AUTS2: variants seen among roughly 807,000 people sequenced by gnomAD.
The protein encoded by AUTS2 is activator of transcription and developmental regulator AUTS2.
AUTS2 carries 17 observed loss-of-function variants against 112.4 expected under a neutral mutation model. That is an observed-to-expected ratio of 0.15 (90% confidence interval 0.10 to 0.23). The LOEUF (loss-of-function observed/expected upper bound fraction) is 0.23, where lower values mean the gene tolerates loss of function less well. AUTS2 is among the 10% of genes least tolerant of loss of function. The probability of loss-of-function intolerance (pLI) is 1.00; values close to 1 mark genes in which losing one functional copy is unlikely to be tolerated. For synonymous variants in AUTS2, 751 were observed against 702.7 expected (o/e 1.07, Z -1.09); for missense variants, 1,510 against 1,701.6 (o/e 0.89, Z 1.98).
At chr7:69,605,268 G>A (rs765983063) in intron 1 of AUTS2, among the ~76,000 whole-genome samples, 10 of 152,210 alleles carry the variant, frequency 6.6e-5, no homozygotes, top group Admixed American at 2.0e-4. Flanking sequence ...CTTGTAGTCG[G>A]TGCGTGGGAG....
chr7:70,738,083 T>A (rs1787873426), intron 6 of AUTS2, among the ~76,000 whole-genome samples: 1 of 152,194 alleles, frequency 6.6e-6, no homozygotes. Flanking sequence ...TGGCCGGGTT[T>A]TCCTGCGTCT....
intron 5 of AUTS2, among the ~76,000 whole-genome samples, chr7:70,496,237 T>TCA (rs1213694004): frequency 0.046 from 1,173 of 25,656 alleles, 38 homozygotes; most frequent in Middle Eastern, 0.25. Flanking sequence ...ACGTACACAG[T>TCA]CACACACACA....
At chr7:69,778,246 A>AT (rs67736075) in intron 1 of AUTS2, among the ~76,000 whole-genome samples, 43 of 128,138 alleles carry the variant, frequency 3.4e-4, no homozygotes, top group Middle Eastern at 4.0e-3. Context: ...ATATATATAT[A>AT]TTTTTTTTTT....
chr7:69,730,727 TTTGA>T (rs1167252839), intron 1 of AUTS2, among the ~76,000 whole-genome samples: 1 of 152,222 alleles, frequency 6.6e-6, no homozygotes, highest in African/African-American at 2.4e-5. Flanking sequence ...AGCTGTAACC[TTTGA>T]TTGTTAATAT....
intron 4 of AUTS2, among the ~76,000 whole-genome samples, chr7:70,358,626 C>G (rs1014059): frequency 0.22 from 33,961 of 152,196 alleles, 3,907 homozygotes; most frequent in Middle Eastern, 0.33. Flanking sequence ...GAAGAGGAGT[C>G]CTGTCTCCTT....
At chr7:70,408,960 GAT>G (rs1794660776) in intron 4 of AUTS2, among the ~76,000 whole-genome samples, 1 of 152,194 alleles carries the variant, frequency 6.6e-6, no homozygotes, top group Non-Finnish European at 1.5e-5. Flanking sequence ...AAAATATGCT[GAT>G]AGCAATTTGA....
intron 5 of AUTS2, among the ~76,000 whole-genome samples, chr7:70,540,754 T>A (rs1800521511): frequency 6.6e-6 from 1 of 152,184 alleles, no homozygotes; most frequent in Admixed American, 6.5e-5. Flanking sequence ...CTGGTACAAC[T>A]GCCAGCACAT....
At chr7:69,675,865 A>G (rs1458100087) in intron 1 of AUTS2, among the ~76,000 whole-genome samples, 1 of 152,140 alleles carries the variant, frequency 6.6e-6, no homozygotes, top group Non-Finnish European at 1.5e-5. Context: ...TTGTATGTAT[A>G]TATATTCACA....
chr7:70,755,264 C>CT (rs57884970), intron 6 of AUTS2, among the ~76,000 whole-genome samples: 3,113 of 146,034 alleles, frequency 0.021, 107 homozygotes, highest in African/African-American at 0.071. Flanking sequence ...ACCCTTTTAA[C>CT]TTTTTTTTTT....
intron 5 of AUTS2, among the ~76,000 whole-genome samples, chr7:70,483,714 T>G (rs1797878610): frequency 6.6e-6 from 1 of 152,148 alleles, no homozygotes. Context: ...TTCCGCTCTA[T>G]CCCTTGCTTT....
At chr7:69,989,484 AC>A (rs149705195) in intron 2 of AUTS2, among the ~76,000 whole-genome samples, 1 of 152,138 alleles carries the variant, frequency 6.6e-6, no homozygotes, top group African/African-American at 2.4e-5. Flanking sequence ...AGAGCCTGAC[AC>A]ATAAGAGTTA....
chr7:70,031,870 G>A (rs1800796550), intron 2 of AUTS2, among the ~76,000 whole-genome samples: 1 of 152,126 alleles, frequency 6.6e-6, no homozygotes, highest in Non-Finnish European at 1.5e-5. Flanking sequence ...TTGAAGAGAT[G>A]AAAACTACAC....
At chr7:70,523,483 A>G (rs1174472664) in intron 5 of AUTS2, among the ~76,000 whole-genome samples, 1 of 152,186 alleles carries the variant, frequency 6.6e-6, no homozygotes, top group Non-Finnish European at 1.5e-5. Context: ...GGTAAAGTTG[A>G]CATCTTACTG....
At chr7:70,569,496 C>T (rs1288355654) in intron 5 of AUTS2, among the ~76,000 whole-genome samples, 2 of 152,230 alleles carry the variant, frequency 1.3e-5, no homozygotes, top group African/African-American at 4.8e-5. Flanking sequence ...GGTTACCCTT[C>T]AGTGCTTCAT....
intron 2 of AUTS2, among the ~76,000 whole-genome samples, chr7:70,032,906 C>A (rs1036594416): frequency 2.6e-5 from 4 of 151,720 alleles, no homozygotes; most frequent in African/African-American, 9.7e-5. Flanking sequence ...AGACATTATG[C>A]TAAGTGAAAG....
chr7:70,031,029 A>G (rs886463819), intron 2 of AUTS2, among the ~76,000 whole-genome samples: 1 of 152,144 alleles, frequency 6.6e-6, no homozygotes, highest in Non-Finnish European at 1.5e-5. Context: ...TTGTTGAAAG[A>G]TTTTAAGAAA....
At chr7:70,509,865 C>T (rs967226572) in intron 5 of AUTS2, among the ~76,000 whole-genome samples, 6 of 152,196 alleles carry the variant, frequency 3.9e-5, no homozygotes, top group Admixed American at 2.0e-4. Flanking sequence ...GACTCTCAGC[C>T]TACAATCTCT....
chr7:70,439,713 A>T lies in AUTS2; in HGVS notation c.690+3932A>T, dbSNP rs534897685. ...CAATTATTCTGATCCCCCATTCGAA[A>T]TGAATTGGTATCATGAGAACAAAGA... is the stretch of plus-strand genomic sequence containing the variant. On this transcript the variant is annotated intron_variant, in intron 5 of 18. Transcript: ENST00000342771. Among the ~76,000 whole-genome samples, 44 of 152,256 alleles carry T rather than the reference A, an allele frequency of 2.9e-4. No homozygotes were observed. In the Middle Eastern group the frequency reaches 0.01, roughly 35 times the overall value.
chr7:70,611,508 G>A (rs920540176), intron 5 of AUTS2, among the ~76,000 whole-genome samples: 2 of 152,196 alleles, frequency 1.3e-5, no homozygotes, highest in Non-Finnish European at 2.9e-5. Flanking sequence ...GGGCTTTGAT[G>A]TGAGAAAGAG....
Sources: gnomAD v4.1 joint callset for allele counts (sites outside exome capture counted in the v4.1 genomes callset) on GRCh38, gnomAD v4.1.1 for gene constraint, MANE v1.5 for transcripts, NCBI Gene and HGNC (gene_info 2026-07-23, HGNC 2026-07-21) for gene names.